RIMS1: variants seen among roughly 807,000 people sequenced by gnomAD.
RIMS1 encodes the protein regulating synaptic membrane exocytosis protein 1.
Under a neutral mutation model 214.1 loss-of-function variants are expected in RIMS1, and 83 were observed. The ratio of observed to expected loss-of-function variants is 0.39; its 90% confidence interval spans 0.32 to 0.47. The LOEUF is 0.47. Ranked by LOEUF, RIMS1 falls within the 20% of genes least tolerant of loss-of-function variation. The pLI, the probability that RIMS1 is intolerant of heterozygous loss-of-function variation, is 0.99. For synonymous variants in RIMS1, 793 were observed against 786.8 expected, an observed-to-expected ratio of 1.01 and a Z score of -0.13; for missense variants, 2,050 against 2,161.8, an observed-to-expected ratio of 0.95 and a Z score of 1.03.
rs560324490 is a variant in RIMS1, at chr6:72,316,799, G to A, written c.4130+3127G>A. On this transcript the variant is annotated intron_variant, in intron 28 of 33. Coordinates refer to ENST00000521978, the MANE Select transcript of RIMS1 (RefSeq NM_014989.7). ...CAGTTGACGGTAGACACTGGGGACA[G>A]TAGGTGGGTGGTGGTGCCAAGGGCA... The A allele has an allele frequency of 1.5e-5, 11 of 741,150 alleles. No individual in the cohort carries two copies. In the East Asian group the frequency reaches 2.4e-4, roughly 16 times the overall value. The allele number at this position is 741,150 out of a possible 1,614,324, so 45.9% of individuals were successfully genotyped here. A position where few individuals can be genotyped will look rare whatever the true frequency, so the allele number is the denominator to read the frequency against.
chr6:71,919,745 G>A (rs1779462262), intron 1 of RIMS1, among the ~76,000 whole-genome samples: 1 of 152,142 alleles, frequency 6.6e-6, no homozygotes, highest in African/African-American at 2.4e-5. Flanking sequence ...AGTAAGCCCT[G>A]AAGACTGTAA....
At chr6:72,221,276 C>T (rs1449569775) in intron 6 of RIMS1, among the ~76,000 whole-genome samples, 1 of 148,340 alleles carries the variant, frequency 6.7e-6, no homozygotes, top group African/African-American at 2.5e-5. Context: ...ATGGTAGGCC[C>T]AAAGATCTGG....
At chr6:72,247,555 A>AC (rs1285736477) in intron 11 of RIMS1, among the ~76,000 whole-genome samples, 1 of 142,148 alleles carries the variant, frequency 7.0e-6, no homozygotes, top group Admixed American at 7.1e-5. Context: ...AAAAAAAAAA[A>AC]CCTAAGATAG....
intron 26 of RIMS1, among the ~76,000 whole-genome samples, chr6:72,296,259 A>G (rs2094085408): frequency 6.6e-6 from 1 of 151,912 alleles, no homozygotes; most frequent in African/African-American, 2.4e-5. Flanking sequence ...TCCTAGGAAA[A>G]TGACATTTTC....
At chr6:71,988,951 T>C (rs894968189) in intron 2 of RIMS1, among the ~76,000 whole-genome samples, 2 of 152,212 alleles carry the variant, frequency 1.3e-5, no homozygotes, top group African/African-American at 4.8e-5. Context: ...AAACAATTTT[T>C]AAACAACTTG....
chr6:72,298,198 A>G (rs911195693), intron 26 of RIMS1, among the ~76,000 whole-genome samples: 1 of 151,928 alleles, frequency 6.6e-6, no homozygotes, highest in African/African-American at 2.4e-5. Context: ...TTTTAAAGTC[A>G]CATAAAGAGA....
At chr6:72,083,504 C>A (rs1420153580) in intron 2 of RIMS1, among the ~76,000 whole-genome samples, 1 of 151,982 alleles carries the variant, frequency 6.6e-6, no homozygotes, top group Non-Finnish European at 1.5e-5. Flanking sequence ...ACCTATTTGC[C>A]CCTCGCTAGT....
In RIMS1 at chr6:72,245,847, C is replaced by G. The variant is rs761237560; in HGVS notation, c.2114C>G (p.Pro705Arg). The G allele has an allele frequency of 1.6e-5, 26 of 1,606,520 alleles. 1 individual carries two copies. In the South Asian group the frequency reaches 2.9e-4, roughly 18 times the overall value. The change falls in exon 11 of 34, where the codon CCT becomes CGT. Residue 705 changes from proline to arginine, a missense_variant. Transcript: ENST00000521978. ...DIPRIPESSH[P>R]PLESSSSSFE... is the part of the protein sequence containing the mutation. ...CCCCGGATTCCTGAGAGCTCCCACC[C>G]TCCACTGGAGTCCAGTGAGTATAAG...
chr6:72,046,388 C>A (rs1022721151), intron 2 of RIMS1, among the ~76,000 whole-genome samples: 1 of 151,930 alleles, frequency 6.6e-6, no homozygotes, highest in Non-Finnish European at 1.5e-5. Flanking sequence ...ATGCTGGAGT[C>A]AATAATTCCT....
At chr6:72,096,040 A>G (rs554995881) in intron 2 of RIMS1, among the ~76,000 whole-genome samples, 18 of 152,288 alleles carry the variant, frequency 1.2e-4, no homozygotes, top group Admixed American at 1.1e-3. Context: ...AGTTCTATTT[A>G]TAGAGATTTA....
At chr6:72,142,727 C>T (rs2042223286) in intron 4 of RIMS1, among the ~76,000 whole-genome samples, 1 of 151,910 alleles carries the variant, frequency 6.6e-6, no homozygotes, top group Non-Finnish European at 1.5e-5. Flanking sequence ...AAACAGAGCA[C>T]CATAAAGGAA....
intron 2 of RIMS1, among the ~76,000 whole-genome samples, chr6:72,055,214 T>C (rs566376786): frequency 2.0e-5 from 3 of 152,154 alleles, no homozygotes; most frequent in Non-Finnish European, 4.4e-5. Context: ...AAGAAATTGC[T>C]TTTTATTTCT....
At chr6:72,241,125 T>A (rs1266194643) in intron 9 of RIMS1, among the ~76,000 whole-genome samples, 1 of 152,214 alleles carries the variant, frequency 6.6e-6, no homozygotes, top group Non-Finnish European at 1.5e-5. Context: ...TTGGAAAAAA[T>A]AATTACTTTA....
intron 4 of RIMS1, among the ~76,000 whole-genome samples, chr6:72,129,830 T>C (rs1178121505): frequency 6.6e-6 from 1 of 152,070 alleles, no homozygotes; most frequent in Admixed American, 6.6e-5. Flanking sequence ...GACCAAATGG[T>C]CTCGAGAAAC....
At chr6:71,968,304 C>A (rs74335839) in intron 1 of RIMS1, among the ~76,000 whole-genome samples, 1,818 of 152,296 alleles carry the variant, frequency 0.012, 9 homozygotes, top group Non-Finnish European at 0.018. Flanking sequence ...CCCTTTGGAG[C>A]TTTGTTATAT....
chr6:72,224,872 G>A (rs2154058806), intron 6 of RIMS1, among the ~76,000 whole-genome samples: 1 of 152,290 alleles, frequency 6.6e-6, no homozygotes, highest in East Asian at 1.9e-4. Context: ...ACCAGTGACT[G>A]CAATGTTTTG....
intron 3 of RIMS1, among the ~76,000 whole-genome samples, chr6:72,099,031 C>A (rs1212775510): frequency 6.6e-6 from 1 of 152,130 alleles, no homozygotes; most frequent in East Asian, 1.9e-4. Flanking sequence ...ACTTAACAAC[C>A]CATGTGGTAA....
chr6:72,021,929 C>A (rs1325958528), intron 2 of RIMS1, among the ~76,000 whole-genome samples: 4 of 152,244 alleles, frequency 2.6e-5, no homozygotes, highest in South Asian at 4.1e-4. Context: ...ATCCCATTGA[C>A]TAAAAAGTGG....
At chr6:72,016,720 T>G (rs1176903644) in intron 2 of RIMS1, among the ~76,000 whole-genome samples, 3 of 152,230 alleles carry the variant, frequency 2.0e-5, no homozygotes, top group African/African-American at 7.2e-5. Context: ...TTCTGTAGTC[T>G]TCTTTTAACT....
Sources: gnomAD v4.1 joint callset for allele counts (sites outside exome capture counted in the v4.1 genomes callset) on GRCh38, gnomAD v4.1.1 for gene constraint, MANE v1.5 for transcripts, NCBI Gene and HGNC (gene_info 2026-07-23, HGNC 2026-07-21) for gene names.